EDA: variants seen among roughly 807,000 people sequenced by gnomAD.
The protein encoded by EDA is ectodysplasin-A.
EDA carries 2 observed loss-of-function variants against 23.6 expected under a neutral mutation model. That is an observed-to-expected ratio of 0.08 (90% confidence interval 0.03 to 0.27). EDA has a LOEUF of 0.27. EDA is among the 10% of genes least tolerant of loss of function. The pLI is 1.00. For synonymous variants in EDA, 131 were observed against 132.0 expected, an observed-to-expected ratio of 0.99 and a Z score of 0.05; for missense variants, 229 against 324.2, an observed-to-expected ratio of 0.71 and a Z score of 2.26.
chrX:69,774,082 G>A (rs2014710486), intron 1 of EDA, among the ~76,000 whole-genome samples: 1 of 111,719 alleles, frequency 9.0e-6, no homozygotes, highest in South Asian at 3.7e-4. Context: ...ACCCTGTTAG[G>A]CACTCTACTC....
intron 1 of EDA, among the ~76,000 whole-genome samples, chrX:69,842,823 C>T (rs2016922554): frequency 1.8e-5 from 2 of 110,917 alleles, no homozygotes; most frequent in South Asian, 3.8e-4. Context: ...AGCACCTCCC[C>T]GACTCTCTCT....
intron 1 of EDA, among the ~76,000 whole-genome samples, chrX:69,910,375 G>GAGAGAC (rs2018246184): frequency 4.9e-5 from 1 of 20,457 alleles, no homozygotes; most frequent in South Asian, 3.1e-3. Flanking sequence ...GAGAGAGAGA[G>GAGAGAC]TGTGTGTGTG....
intron 2 of EDA, among the ~76,000 whole-genome samples, chrX:69,995,014 G>A (rs1000622082): frequency 2.7e-5 from 3 of 112,031 alleles, no homozygotes; most frequent in African/African-American, 9.7e-5. Flanking sequence ...CCAGAACTTG[G>A]TTAGTAGGTA....
chrX:69,618,345 C>A (rs753861553), intron 1 of EDA, among the ~76,000 whole-genome samples: 1 of 111,938 alleles, frequency 8.9e-6, no homozygotes, highest in Non-Finnish European at 1.9e-5. Flanking sequence ...AGTTACCTAC[C>A]CTTTGTGTGG....
Position 69,645,584 on chromosome X carries a change from T to TTATATATATATATATA in EDA, c.396+28889_396+28890insATATATATATATATAT, listed in dbSNP as rs761403541. 1.3e-3 allele frequency among the ~76,000 whole-genome samples: 73 copies of TTATATATATATATATA among 54,142 alleles called. 7 individuals carry two copies. Among genetic ancestry groups the TTATATATATATATATA allele is most frequent in the East Asian group, 6.9e-3 (3 of 433 alleles). The allele number at this position is 54,142 out of a possible 115,157, so 47.0% of individuals were successfully genotyped here. ...GGTTGCTCTTAGTTCTCTAGTTCTT[T>TTATATATATATATATA]TATATATATGTGTGTGTGTATATAT... On this transcript the variant is annotated intron_variant, in intron 1 of 7. Coordinates refer to ENST00000374552, the MANE Select transcript of EDA (RefSeq NM_001399.5).
At chrX:69,950,334 GAA>G (rs1331024816) in intron 1 of EDA, among the ~76,000 whole-genome samples, 2 of 95,262 alleles carry the variant, frequency 2.1e-5, no homozygotes, top group Non-Finnish European at 4.2e-5. Flanking sequence ...AAAAACACAT[GAA>G]AAAATGCTCA....
intron 2 of EDA, among the ~76,000 whole-genome samples, chrX:69,990,620 G>T (rs2019573842): frequency 9.0e-6 from 1 of 110,988 alleles, no homozygotes; most frequent in Non-Finnish European, 1.9e-5. Flanking sequence ...GAATGGGGTG[G>T]GGCCACAGGT....
At chrX:69,639,226 T>C (rs1439367066) in intron 1 of EDA, among the ~76,000 whole-genome samples, 1 of 111,888 alleles carries the variant, frequency 8.9e-6, no homozygotes, top group East Asian at 2.8e-4. Context: ...GCTATGAACA[T>C]GGGTGTACAC....
chrX:69,747,944 A>AGG (rs1286734925), intron 1 of EDA, among the ~76,000 whole-genome samples: 2 of 111,280 alleles, frequency 1.8e-5, no homozygotes, highest in African/African-American at 6.5e-5. Context: ...CCTGCTGGTA[A>AGG]GGAGGGCAGT....
At chrX:69,801,712 G>A (rs938025429) in intron 1 of EDA, among the ~76,000 whole-genome samples, 2 of 111,548 alleles carry the variant, frequency 1.8e-5, no homozygotes, top group Non-Finnish European at 3.8e-5. Context: ...TAAGCAGTTC[G>A]TAGAAGAAGA....
At chrX:69,839,930 A>T (rs2016860962) in intron 1 of EDA, among the ~76,000 whole-genome samples, 1 of 112,496 alleles carries the variant, frequency 8.9e-6, no homozygotes, top group Non-Finnish European at 1.9e-5. Flanking sequence ...TGAAAAAAGA[A>T]GGGGGATGTG....
At chrX:69,710,535 T>G (rs2011954748) in intron 1 of EDA, among the ~76,000 whole-genome samples, 1 of 111,901 alleles carries the variant, frequency 8.9e-6, no homozygotes, top group South Asian at 3.7e-4. Context: ...AAGAGAGTCA[T>G]TGGTAAATTG....
intron 1 of EDA, among the ~76,000 whole-genome samples, chrX:69,652,585 G>A (rs1043691399): frequency 1.8e-5 from 2 of 111,488 alleles, no homozygotes; most frequent in Non-Finnish European, 3.8e-5. Context: ...ACTCCCAACA[G>A]AAAGTAGCTT....
chrX:69,682,746 G>A (rs978716995), intron 1 of EDA, among the ~76,000 whole-genome samples: 8 of 111,037 alleles, frequency 7.2e-5, no homozygotes, highest in South Asian at 3.9e-4. Context: ...AGATGAACCC[G>A]GTATGTCAGA....
At chrX:69,837,833 G>C (rs772604935) in intron 1 of EDA, among the ~76,000 whole-genome samples, 1 of 112,389 alleles carries the variant, frequency 8.9e-6, no homozygotes, top group Non-Finnish European at 1.9e-5. Flanking sequence ...ATGAATTCCA[G>C]ATATTGTTCT....
At chrX:69,978,941 A>G (rs996127333) in intron 2 of EDA, among the ~76,000 whole-genome samples, 1 of 111,797 alleles carries the variant, frequency 8.9e-6, no homozygotes, top group African/African-American at 3.2e-5. Flanking sequence ...ATTTTTAAGT[A>G]TACAATTCAG....
intron 1 of EDA, among the ~76,000 whole-genome samples, chrX:69,921,557 T>C (rs959515772): frequency 9.1e-6 from 1 of 110,459 alleles, no homozygotes; most frequent in African/African-American, 3.3e-5. Context: ...CGATTCCAAT[T>C]TGTGGCTATA....
chrX:69,678,677 C>T (rs913973903), intron 1 of EDA, among the ~76,000 whole-genome samples: 1 of 105,603 alleles, frequency 9.5e-6, no homozygotes, highest in Non-Finnish European at 1.9e-5. Context: ...GATTTTGTAT[C>T]CTGAGACTTT....
intron 1 of EDA, among the ~76,000 whole-genome samples, chrX:69,706,236 C>G (rs926536174): frequency 9.0e-6 from 1 of 111,689 alleles, no homozygotes; most frequent in African/African-American, 3.3e-5. Context: ...ATCTTCTATG[C>G]CAGCCTAGGA....
Sources: gnomAD v4.1 joint callset for allele counts (sites outside exome capture counted in the v4.1 genomes callset) on GRCh38, gnomAD v4.1.1 for gene constraint, MANE v1.5 for transcripts, NCBI Gene and HGNC (gene_info 2026-07-23, HGNC 2026-07-21) for gene names.